The following CSMD2 variants were observed in gnomAD, a reference collection of about 807,000 sequenced individuals.
CSMD2 encodes CUB and sushi domain-containing protein 2.
CSMD2 carries 130 observed loss-of-function variants against 398.5 expected under a neutral mutation model. The observed-to-expected ratio is 0.33, with a 90% CI of 0.28 to 0.38. CSMD2 has a LOEUF of 0.38. Ranked by LOEUF, CSMD2 falls within the 10% of genes least tolerant of loss-of-function variation. CSMD2 has a pLI of 1.00. For synonymous variants in CSMD2, 1,828 were observed against 1,908.5 expected, an observed-to-expected ratio of 0.96 and a Z score of 1.10; for missense variants, 3,829 against 4,764.9, an observed-to-expected ratio of 0.80 and a Z score of 5.78.
chr1:33,608,283 C>T (rs760515755), intron 41 of CSMD2, among the ~76,000 whole-genome samples: 13 of 152,246 alleles, frequency 8.5e-5, no homozygotes, highest in African/African-American at 3.1e-4. Context: ...GGGAGCACAG[C>T]GAGTGGCTGG....
intron 1 of CSMD2, among the ~76,000 whole-genome samples, chr1:34,161,422 G>A (rs1470293695): frequency 1.3e-5 from 2 of 152,110 alleles, no homozygotes; most frequent in East Asian, 3.9e-4. Flanking sequence ...GAAAAGGAAT[G>A]GGAAAAAGTA....
intron 3 of CSMD2, among the ~76,000 whole-genome samples, chr1:34,005,360 G>T (rs939368485): frequency 1.3e-5 from 2 of 152,246 alleles, no homozygotes; most frequent in South Asian, 4.1e-4. Flanking sequence ...TAGGTGGGGA[G>T]AGAAAAGAGA....
At chr1:33,797,954 A>G (rs148795754) in intron 10 of CSMD2, among the ~76,000 whole-genome samples, 1 of 152,372 alleles carries the variant, frequency 6.6e-6, no homozygotes, top group East Asian at 1.9e-4. Context: ...TAGAGCTGCC[A>G]TTGATGTGAA....
chr1:33,668,858 A>G (rs1418483951), intron 25 of CSMD2, among the ~76,000 whole-genome samples: 2 of 152,226 alleles, frequency 1.3e-5, no homozygotes, highest in Admixed American at 1.3e-4. Flanking sequence ...AGAGCTGCAG[A>G]AATGTGCAAG....
chr1:33,835,095 G>A (rs1331657745), intron 6 of CSMD2, among the ~76,000 whole-genome samples: 2 of 39,884 alleles, frequency 5.0e-5, no homozygotes, highest in Non-Finnish European at 3.6e-5. Context: ...TCAGTGTGGC[G>A]ATTCCTCAGG....
chr1:33,709,061 C>A, intron 22 of CSMD2, 28 bp downstream of exon 22: 1 of 1,586,106 alleles, frequency 6.3e-7, no homozygotes, highest in Non-Finnish European at 8.6e-7. Flanking sequence ...TACTATAACA[C>A]ACATACTCTG....
Position 33,908,557 on chromosome 1 carries a change from A to G in CSMD2, c.920+9537T>C, listed in dbSNP as rs757587478. On this transcript the variant is annotated intron_variant, in intron 5 of 70. Coordinates refer to ENST00000373381, the MANE Select transcript of CSMD2 (RefSeq NM_001281956.2). Reference sequence around the variant, plus strand: ...CCATGGGGGGCAGGCCAGCTGCCCGACCTCAGCTTCCCATGCACAGAACTT... The same window carrying G: ...CCATGGGGGGCAGGCCAGCTGCCCGGCCTCAGCTTCCCATGCACAGAACTT... Among the ~76,000 whole-genome samples, 88 of 152,254 alleles carry G rather than the reference A, an allele frequency of 5.8e-4. 1 individual carries two copies. The highest frequency in any genetic ancestry group is 1.1e-3 in the Non-Finnish European group (75 of 68,048).
chr1:34,104,978 C>T (rs774727662), intron 1 of CSMD2, among the ~76,000 whole-genome samples: 36 of 152,326 alleles, frequency 2.4e-4, no homozygotes, highest in Non-Finnish European at 4.6e-4. Flanking sequence ...GCAAATCTAA[C>T]TCACGGTCCC....
At chr1:33,623,100 T>C (rs1641877442) in intron 36 of CSMD2, among the ~76,000 whole-genome samples, 1 of 152,220 alleles carries the variant, frequency 6.6e-6, no homozygotes. Flanking sequence ...AGTAGATTAC[T>C]GGTTACTAGA....
chr1:34,148,798 C>T (rs1640020760), intron 1 of CSMD2, among the ~76,000 whole-genome samples: 1 of 152,182 alleles, frequency 6.6e-6, no homozygotes, highest in African/African-American at 2.4e-5. Context: ...AAAGTCTGTG[C>T]TCAGAGAATG....
intron 3 of CSMD2, among the ~76,000 whole-genome samples, chr1:33,942,265 GC>G (rs1644700094): frequency 6.6e-6 from 1 of 152,216 alleles, no homozygotes; most frequent in Admixed American, 6.5e-5. Context: ...CCTGCAATAG[GC>G]CATTCTTGCA....
intron 25 of CSMD2, among the ~76,000 whole-genome samples, chr1:33,673,125 G>A (rs1275221635): frequency 1.3e-5 from 2 of 152,220 alleles, no homozygotes; most frequent in African/African-American, 4.8e-5. Context: ...TGACTTTGAC[G>A]AGTTGAGAGA....
At chr1:33,603,293 G>C (rs1253291583) in intron 42 of CSMD2, among the ~76,000 whole-genome samples, 1 of 152,122 alleles carries the variant, frequency 6.6e-6, no homozygotes, top group Non-Finnish European at 1.5e-5. Flanking sequence ...CACTGATTTA[G>C]GCCTCAGGCA....
chr1:33,586,878 A>T (rs919324490), intron 45 of CSMD2, among the ~76,000 whole-genome samples: 1 of 152,168 alleles, frequency 6.6e-6, no homozygotes, highest in Non-Finnish European at 1.5e-5. Context: ...GACTTGAACC[A>T]AAAAAAGAAA....
intron 5 of CSMD2, 40 bp downstream of exon 5, chr1:33,918,054 C>T: frequency 1.3e-6 from 2 of 1,581,456 alleles, no homozygotes; most frequent in South Asian, 2.2e-5. Context: ...TTCACAGTTG[C>T]AGAGAATAGG....
intron 5 of CSMD2, among the ~76,000 whole-genome samples, chr1:33,881,646 C>T (rs1641247340): frequency 6.6e-6 from 1 of 152,128 alleles, no homozygotes; most frequent in Admixed American, 6.5e-5. Flanking sequence ...ATTATAAAAT[C>T]TTCTGTTAGA....
intron 5 of CSMD2, among the ~76,000 whole-genome samples, chr1:33,912,411 AC>A (rs11333660): frequency 0.28 from 41,157 of 146,862 alleles, 6,826 homozygotes; most frequent in African/African-American, 0.47. Context: ...CGCATCATAC[AC>A]CCCCCCACAC....
intron 13 of CSMD2, among the ~76,000 whole-genome samples, chr1:33,768,024 T>C (rs1461121775): frequency 6.6e-6 from 1 of 152,228 alleles, no homozygotes; most frequent in Non-Finnish European, 1.5e-5. Context: ...TATATTTCTT[T>C]GAACCTTGTT....
At chr1:33,963,203 C>G (rs972503744) in intron 3 of CSMD2, among the ~76,000 whole-genome samples, 4 of 152,206 alleles carry the variant, frequency 2.6e-5, no homozygotes, top group Admixed American at 6.5e-5. Context: ...AATCTGAATA[C>G]CTACCCCTGG....
Sources: gnomAD v4.1 joint callset for allele counts (sites outside exome capture counted in the v4.1 genomes callset) on GRCh38, gnomAD v4.1.1 for gene constraint, MANE v1.5 for transcripts, NCBI Gene and HGNC (gene_info 2026-07-23, HGNC 2026-07-21) for gene names.